CIRSR: variants seen among roughly 807,000 people sequenced by gnomAD.
CIRSR encodes corepressor of RBPJ and splicing regulator.
At chr2:174,349,093 T>C in the CIRSR span, 1 of 1,541,830 alleles carries the variant, frequency 6.5e-7, no homozygotes, top group Non-Finnish European at 8.7e-7. Context: ...TTATGTTTTT[T>C]GTGTTTACTT....
chr2:174,367,075 A>C, the CIRSR span, among the ~76,000 whole-genome samples: 1 of 152,242 alleles, frequency 6.6e-6, no homozygotes, highest in South Asian at 2.1e-4. Flanking sequence ...ATGAATAGAA[A>C]ACAATTACAA....
chr2:174,379,565 C>G, the CIRSR span, among the ~76,000 whole-genome samples: 1 of 152,132 alleles, frequency 6.6e-6, no homozygotes, highest in Non-Finnish European at 1.5e-5. Context: ...ACTTTCTTTA[C>G]AAGGATTTGC....
chr2:174,385,215 CAAAAA>C, the CIRSR span, among the ~76,000 whole-genome samples: 2 of 94,116 alleles, frequency 2.1e-5, no homozygotes, highest in Admixed American at 2.3e-4. Context: ...ACCTTCCTCT[CAAAAA>C]AAAAAAAAAA....
the CIRSR span, among the ~76,000 whole-genome samples, chr2:174,382,262 T>C: frequency 1.3e-5 from 2 of 152,190 alleles, no homozygotes; most frequent in African/African-American, 2.4e-5. Context: ...GGGATTTCTT[T>C]AGGAAGTCAA....
chr2:174,350,073 G>A, the CIRSR span, among the ~76,000 whole-genome samples: 1 of 152,064 alleles, frequency 6.6e-6, no homozygotes, highest in African/African-American at 2.4e-5. Flanking sequence ...TGAATTTCTA[G>A]AGTACTTCAC....
chr2:174,380,629 T>C, the CIRSR span: 1 of 1,601,038 alleles, frequency 6.2e-7, no homozygotes, highest in Non-Finnish European at 8.5e-7. Flanking sequence ...ATATCTTGTC[T>C]TAAAAGTAAA....
At chr2:174,351,690 T>C in the CIRSR span, 1 of 1,613,694 alleles carries the variant, frequency 6.2e-7, no homozygotes, top group South Asian at 1.1e-5. Flanking sequence ...CTGTTTCTCA[T>C]CTCCGCTATT....
the CIRSR span, among the ~76,000 whole-genome samples, chr2:174,370,739 C>T: frequency 6.6e-6 from 1 of 151,870 alleles, no homozygotes; most frequent in South Asian, 2.1e-4. Context: ...ACGGTGAAAC[C>T]CCATCTCTAC....
the CIRSR span, chr2:174,395,556 T>C: frequency 6.2e-7 from 1 of 1,614,132 alleles, no homozygotes. Flanking sequence ...CTCACTTTTT[T>C]GATATTGGAT....
chr2:174,386,370 C>T, the CIRSR span, among the ~76,000 whole-genome samples: 4 of 152,072 alleles, frequency 2.6e-5, no homozygotes, highest in Non-Finnish European at 5.9e-5. Flanking sequence ...TTAGTAGAAA[C>T]GGGGTTTCTC....
chr2:174,368,989 G>A, the CIRSR span, among the ~76,000 whole-genome samples: 1 of 152,176 alleles, frequency 6.6e-6, no homozygotes, highest in Non-Finnish European at 1.5e-5. Context: ...ATTACCAGCT[G>A]CATTAGCCTC....
the CIRSR span, among the ~76,000 whole-genome samples, chr2:174,377,148 T>G: frequency 6.6e-6 from 1 of 152,174 alleles, no homozygotes; most frequent in South Asian, 2.1e-4. Context: ...ATAGGGGCAC[T>G]ATAAAGTTCG....
chr2:174,369,963 T>C, the CIRSR span: 13 of 1,363,534 alleles, frequency 9.5e-6, no homozygotes, highest in South Asian at 6.9e-5. Context: ...CTGGTGCTGA[T>C]AGATTTGCTC....
At chr2:174,348,900 TTTCTC>T in the CIRSR span, 1 of 1,614,086 alleles carries the variant, frequency 6.2e-7, no homozygotes, top group Non-Finnish European at 8.5e-7. Context: ...TTCATGAAGC[TTTCTC>T]TTCTTAGACT....
chr2:174,358,993 C>T, the CIRSR span, among the ~76,000 whole-genome samples: 11 of 152,158 alleles, frequency 7.2e-5, no homozygotes, highest in Non-Finnish European at 8.8e-5. Context: ...TGTGCCCAGC[C>T]CAGAAGTTAG....
chr2:174,369,215 TGC>T, the CIRSR span, among the ~76,000 whole-genome samples: 1 of 152,260 alleles, frequency 6.6e-6, no homozygotes, highest in South Asian at 2.1e-4. Context: ...TGCTTCACCT[TGC>T]AGTTTTGTTA....
chr2:174,385,131 C>T, the CIRSR span, among the ~76,000 whole-genome samples: 1 of 150,094 alleles, frequency 6.7e-6, no homozygotes, highest in Non-Finnish European at 1.5e-5. Flanking sequence ...AGGAGGATCG[C>T]TTGAACCCAG....
the CIRSR span, among the ~76,000 whole-genome samples, chr2:174,379,550 A>G: frequency 9.9e-5 from 15 of 152,152 alleles, no homozygotes; most frequent in South Asian, 2.1e-4. Context: ...CGGTGTTCCA[A>G]TAAAACTTTC....
At chr2:174,354,225 T>C in the CIRSR span, among the ~76,000 whole-genome samples, 23 of 150,752 alleles carry the variant, frequency 1.5e-4, no homozygotes, top group East Asian at 3.7e-3. Flanking sequence ...TAGCACACTT[T>C]CACAATGTAT....
Sources: gnomAD v4.1 joint callset for allele counts (sites outside exome capture counted in the v4.1 genomes callset) on GRCh38, gnomAD v4.1.1 for gene constraint, MANE v1.5 for transcripts, NCBI Gene and HGNC (gene_info 2026-07-23, HGNC 2026-07-21) for gene names.